The following PATJ variants were observed in gnomAD, a reference collection of about 807,000 sequenced individuals.
PATJ encodes inaD-like protein.
A neutral mutation model predicts 224.9 loss-of-function variants in PATJ; 190 were observed. The observed-to-expected ratio is 0.84, with a 90% CI of 0.75 to 0.95. The LOEUF is 0.95. Ranked by LOEUF, PATJ falls within the 40% of genes least tolerant of loss-of-function variation. PATJ has a pLI of 0.00. For missense variants in PATJ, 2,121 were observed against 2,270.3 expected, an observed-to-expected ratio of 0.93 and a Z score of 1.34; for synonymous variants, 769 against 820.3, an observed-to-expected ratio of 0.94 and a Z score of 1.07.
intron 14 of PATJ, 148 bp downstream of exon 14, chr1:61,808,678 C>T (rs1654071266): frequency 1.8e-6 from 1 of 550,374 alleles, no homozygotes; most frequent in East Asian, 3.2e-5. Context: ...GGTGGAGCCA[C>T]TGAACTCGGC....
intron 25 of PATJ, among the ~76,000 whole-genome samples, chr1:61,913,018 A>T (rs1403561519): frequency 1.3e-5 from 2 of 152,166 alleles, no homozygotes; most frequent in African/African-American, 2.4e-5. Context: ...CACTGTATAT[A>T]TGTTAGTGTA....
At chr1:62,025,096 A>G (rs1171174174) in intron 29 of PATJ, among the ~76,000 whole-genome samples, 1 of 152,168 alleles carries the variant, frequency 6.6e-6, no homozygotes, top group Non-Finnish European at 1.5e-5. Flanking sequence ...GCTTACTGTC[A>G]AAGAATCTTA....
chr1:61,824,677 G>A (rs1181785281), intron 15 of PATJ, among the ~76,000 whole-genome samples: 4 of 151,766 alleles, frequency 2.6e-5, no homozygotes, highest in Non-Finnish European at 5.9e-5. Context: ...CTTCTACCTC[G>A]GCCTCCCAAA....
rs962050242 is a variant in PATJ at position 61,842,128 on chromosome 1, G to A, written c.2112+8343G>A. Among the ~76,000 whole-genome samples the A allele has an allele frequency of 4.6e-5, 7 of 152,228 alleles. No homozygotes were observed. The South Asian group carries it at 1.5e-3, about 32-fold the overall frequency. On this transcript the variant is annotated intron_variant, in intron 17 of 43. Transcript: ENST00000642238. ...TTGTAGTGTGCTCAGGATGACGACT[G>A]ACTTCCAAAAACCTCAGTGCAGCAA...
intron 21 of PATJ, among the ~76,000 whole-genome samples, chr1:61,878,038 G>A (rs1667574099): frequency 6.6e-6 from 1 of 152,248 alleles, no homozygotes; most frequent in South Asian, 2.1e-4. Context: ...CAGTGGGGCA[G>A]AGGGCACAGG....
intron 18 of PATJ, among the ~76,000 whole-genome samples, chr1:61,858,780 G>T (rs1664107981): frequency 6.6e-6 from 1 of 152,136 alleles, no homozygotes; most frequent in African/African-American, 2.4e-5. Context: ...TACAGCATAT[G>T]GTATTTTTGC....
intron 27 of PATJ, among the ~76,000 whole-genome samples, chr1:61,963,653 G>C (rs1292981709): frequency 6.6e-6 from 1 of 152,088 alleles, no homozygotes; most frequent in African/African-American, 2.4e-5. Context: ...TCATTAAGTG[G>C]AAGTGGATCA....
At chr1:62,068,954 T>C (rs1428612716) in intron 31 of PATJ, among the ~76,000 whole-genome samples, 1 of 152,164 alleles carries the variant, frequency 6.6e-6, no homozygotes, top group African/African-American at 2.4e-5. Flanking sequence ...CAAACCTCAG[T>C]TTTGAAGGCA....
intron 27 of PATJ, among the ~76,000 whole-genome samples, chr1:61,945,833 A>C (rs1678611180): frequency 6.6e-6 from 1 of 152,242 alleles, no homozygotes; most frequent in Admixed American, 6.5e-5. Context: ...ACTCCTCAGC[A>C]AATGCAAAAG....
At chr1:61,751,370 G>A (rs77868525) in intron 1 of PATJ, among the ~76,000 whole-genome samples, 2,160 of 152,202 alleles carry the variant, frequency 0.014, 55 homozygotes, top group African/African-American at 0.049. Flanking sequence ...AAATTGAATA[G>A]CATTTTTGAG....
chr1:62,156,261 G>A (rs956426615), intron 43 of PATJ, among the ~76,000 whole-genome samples: 9 of 151,692 alleles, frequency 5.9e-5, no homozygotes, highest in African/African-American at 2.2e-4. Context: ...AGGCATGGTG[G>A]CTCACGCCTG....
At chr1:61,809,127 G>A (rs1654172644) in intron 14 of PATJ, among the ~76,000 whole-genome samples, 2 of 152,154 alleles carry the variant, frequency 1.3e-5, no homozygotes, top group African/African-American at 4.8e-5. Flanking sequence ...TGTTGGCAAG[G>A]TGCCAGAAGA....
chr1:61,842,659 T>A (rs1661289268), intron 17 of PATJ, among the ~76,000 whole-genome samples: 1 of 151,848 alleles, frequency 6.6e-6, no homozygotes, highest in East Asian at 1.9e-4. Flanking sequence ...CCATAACTGG[T>A]AATCACATCT....
intron 26 of PATJ, among the ~76,000 whole-genome samples, chr1:61,926,092 T>C (rs1675151672): frequency 6.6e-6 from 1 of 152,168 alleles, no homozygotes; most frequent in African/African-American, 2.4e-5. Flanking sequence ...ATTCAGCAAA[T>C]AGTTCAGGGA....
chr1:61,870,538 T>C (rs1666175339), intron 20 of PATJ, among the ~76,000 whole-genome samples: 1 of 152,158 alleles, frequency 6.6e-6, no homozygotes, highest in South Asian at 2.1e-4. Flanking sequence ...TGCCCTTAAA[T>C]TTCTCTGCCT....
At chr1:61,823,655 A>G (rs1187193946) in intron 15 of PATJ, among the ~76,000 whole-genome samples, 1 of 152,248 alleles carries the variant, frequency 6.6e-6, no homozygotes, top group Admixed American at 6.5e-5. Flanking sequence ...GTTAGGATAC[A>G]CAAGAAGCCC....
At chr1:61,907,950 A>G (rs188011288) in intron 24 of PATJ, among the ~76,000 whole-genome samples, 97 of 152,296 alleles carry the variant, frequency 6.4e-4, no homozygotes, top group African/African-American at 2.2e-3. Context: ...AATTGTGATA[A>G]CAAGCAATTT....
At position 61,827,397 on chromosome 1, in the gene PATJ, C is replaced by T. The variant is rs753294601; in HGVS notation, c.1819-25C>T. On this transcript the variant is annotated intron_variant, in intron 15 of 43. Coordinates refer to ENST00000642238, the MANE Select transcript of PATJ (RefSeq NM_001350145.3). ...TTTTTCATTTGGGGCTGGCTCAGTT[C>T]TGACTTATCCCCTTGTCTTCCTAGG... 8 of 1,603,184 alleles carry T rather than the reference C, an allele frequency of 5.0e-6. No individual in the cohort carries two copies. In the South Asian group the frequency reaches 7.8e-5, roughly 16 times the overall value.
At chr1:61,996,877 G>C (rs2149580889) in intron 28 of PATJ, among the ~76,000 whole-genome samples, 2 of 151,510 alleles carry the variant, frequency 1.3e-5, no homozygotes, top group South Asian at 4.2e-4. Flanking sequence ...CGAGTACCTG[G>C]GATTACAGGT....
Sources: allele counts gnomAD v4.1 joint callset (sites outside exome capture counted in the v4.1 genomes callset), GRCh38; gene constraint gnomAD v4.1.1; transcripts MANE v1.5; gene names NCBI Gene and HGNC (gene_info 2026-07-23, HGNC 2026-07-21).